PRKAA1: variants seen among roughly 807,000 people sequenced by gnomAD.
The protein encoded by PRKAA1 is protein kinase AMP-activated catalytic subunit alpha 1.
Under a neutral mutation model 56.9 loss-of-function variants are expected in PRKAA1, and 23 were observed. The observed-to-expected ratio is 0.40, with a 90% CI of 0.29 to 0.57. PRKAA1 has a LOEUF of 0.57. PRKAA1 is among the 20% of genes least tolerant of loss of function. The pLI is 0.39. For missense variants in PRKAA1, 413 were observed against 679.7 expected, an observed-to-expected ratio of 0.61 and a Z score of 4.36; for synonymous variants, 226 against 227.0, an observed-to-expected ratio of 1.00 and a Z score of 0.04.
chr5:40,790,135 G>C (rs923838930), intron 1 of PRKAA1: 1 of 152,222 alleles, frequency 6.6e-6, no homozygotes, highest in Non-Finnish European at 1.5e-5. Flanking sequence ...GGGGGCCGGA[G>C]CCCTTTCCCT....
rs1554031839 is a variant in PRKAA1 at position 40,774,549 on chromosome 5, A to ACTT, written c.363+860_363+861insAAG. 3.6e-4 allele frequency among the ~76,000 whole-genome samples: 45 copies of ACTT among 125,066 alleles called. 4 individuals carry two copies. Among genetic ancestry groups the ACTT allele is most frequent in the African/African-American group, 5.2e-4 (17 of 32,456 alleles). 82.0% of individuals were successfully genotyped at this position (125,066 alleles called of 152,430 possible). A position where few individuals can be genotyped will look rare whatever the true frequency, so the allele number is the denominator to read the frequency against. On this transcript the variant is annotated intron_variant, in intron 3 of 8. Coordinates refer to ENST00000397128, the MANE Select transcript of PRKAA1 (RefSeq NM_006251.6). ...CCTGTTTCCCATTTCTCCAGGCAGAATTTTTTTTTTTTTTTTTTTTTTGGT... is the reference window on the plus strand; with the variant it reads ...CCTGTTTCCCATTTCTCCAGGCAGAACTTTTTTTTTTTTTTTTTTTTTTTTGGT...
chr5:40,775,094 T>C (rs1743933562), intron 3 of PRKAA1: 1 of 807,484 alleles, frequency 1.2e-6, no homozygotes, highest in African/African-American at 1.8e-5. Context: ...ATTCAAAGTA[T>C]TTGTATACCC....
intron 4 of PRKAA1, 114 bp downstream of exon 4, chr5:40,771,605 T>TC: frequency 1.0e-6 from 1 of 999,720 alleles, no homozygotes; most frequent in East Asian, 2.6e-5. Context: ...TTTGATATAC[T>TC]CAGTCTATTA....
intron 1 of PRKAA1, among the ~76,000 whole-genome samples, chr5:40,778,480 T>A (rs1052775489): frequency 4.6e-5 from 7 of 152,282 alleles, no homozygotes; most frequent in Admixed American, 2.0e-4. Context: ...ACTTTTTTGC[T>A]GTATACCTTT....
intron 3 of PRKAA1, among the ~76,000 whole-genome samples, chr5:40,774,115 A>C (rs1263186487): frequency 6.6e-6 from 1 of 152,226 alleles, no homozygotes; most frequent in Non-Finnish European, 1.5e-5. Context: ...TATTCAAGCT[A>C]TGAGAAAACC....
intron 1 of PRKAA1, among the ~76,000 whole-genome samples, chr5:40,785,878 A>G (rs796507360): frequency 6.7e-6 from 1 of 149,044 alleles, no homozygotes; most frequent in African/African-American, 2.5e-5. Context: ...AGAGAGAGAG[A>G]GCAAGCGAGC....
intron 1 of PRKAA1, among the ~76,000 whole-genome samples, chr5:40,787,244 T>A (rs1744529548): frequency 6.6e-6 from 1 of 152,002 alleles, no homozygotes; most frequent in Non-Finnish European, 1.5e-5. Context: ...AGCGGGCATA[T>A]CACCTGAGGT....
intron 2 of PRKAA1, 52 bp downstream of exon 2, chr5:40,777,393 A>C: frequency 6.5e-7 from 1 of 1,527,630 alleles, no homozygotes; most frequent in Non-Finnish European, 8.9e-7. Context: ...AAGTAGGTTA[A>C]CAAAAAAGAT....
chr5:40,767,748 T>C, intron 5 of PRKAA1, 58 bp from the exon 6 acceptor site: 1 of 1,378,952 alleles, frequency 7.3e-7, no homozygotes, highest in Non-Finnish European at 1.0e-6. Flanking sequence ...ATTCAGTTCA[T>C]CAAAAACTTC....
chr5:40,777,655 C>A, intron 1 of PRKAA1, 69 bp from the exon 2 acceptor site: 1 of 1,418,956 alleles, frequency 7.0e-7, no homozygotes, highest in Non-Finnish European at 9.6e-7. Flanking sequence ...ATATTCTGGC[C>A]CGGTGCAGTG....
At chr5:40,792,365 G>A (rs183641465) in intron 1 of PRKAA1, among the ~76,000 whole-genome samples, 1 of 152,206 alleles carries the variant, frequency 6.6e-6, no homozygotes, top group African/African-American at 2.4e-5. Flanking sequence ...AGGTTACTTC[G>A]AAAGTTTTGT....
At position 40,762,549 on chromosome 5, in the gene PRKAA1, T is replaced by C; in HGVS notation, c.*229A>G. ...TAAGCCTGAGACCTATAATTCACTG[T>C]GTATATTATGCTATATACATACTGC... On this transcript the variant is annotated 3_prime_UTR_variant, in exon 9 of 9. Transcript: ENST00000397128. 1 of 495,984 alleles carries C rather than the reference T, an allele frequency of 2.0e-6. No individual in the cohort carries two copies. The highest frequency in any genetic ancestry group is 3.6e-6 in the Non-Finnish European group (1 of 281,680). The allele number at this position is 495,984 out of a possible 1,614,324, so 30.7% of individuals were successfully genotyped here. A position where few individuals can be genotyped will look rare whatever the true frequency, so the allele number is the denominator to read the frequency against.
chr5:40,784,911 T>TA (rs1167022616), intron 1 of PRKAA1, among the ~76,000 whole-genome samples: 5 of 152,190 alleles, frequency 3.3e-5, no homozygotes, highest in African/African-American at 1.2e-4. Flanking sequence ...TTGATTTTTT[T>TA]AAAAAGATAA....
At chr5:40,797,957 C>A (rs978873284) in intron 1 of PRKAA1, 106 bp downstream of exon 1, 73 of 1,520,474 alleles carry the variant, frequency 4.8e-5, no homozygotes, top group Non-Finnish European at 6.3e-5. Context: ...GCTGCCCAGC[C>A]CTGGAAAGAA....
At chr5:40,789,481 A>G (rs541848426) in intron 1 of PRKAA1, among the ~76,000 whole-genome samples, 13 of 152,336 alleles carry the variant, frequency 8.5e-5, no homozygotes, top group Admixed American at 5.2e-4. Flanking sequence ...TAGAATTACT[A>G]TATGATCCAG....
intron 6 of PRKAA1, among the ~76,000 whole-genome samples, chr5:40,766,916 G>A (rs1486910466): frequency 4.6e-5 from 7 of 152,280 alleles, no homozygotes; most frequent in Admixed American, 4.6e-4. Flanking sequence ...CTACTAGGGA[G>A]GCTAAAGTGG....
chr5:40,764,311 T>C (rs1743322075), intron 8 of PRKAA1: 2 of 472,404 alleles, frequency 4.2e-6, no homozygotes, highest in African/African-American at 2.0e-5. Flanking sequence ...AAGATGATAA[T>C]CTTAAAAGGA....
intron 8 of PRKAA1, among the ~76,000 whole-genome samples, chr5:40,763,299 G>T (rs1743281450): frequency 6.6e-6 from 1 of 152,014 alleles, no homozygotes; most frequent in African/African-American, 2.4e-5. Flanking sequence ...CAACAATCTA[G>T]GGATTAATAA....
chr5:40,782,336 C>T (rs761911464), intron 1 of PRKAA1, among the ~76,000 whole-genome samples: 1 of 152,168 alleles, frequency 6.6e-6, no homozygotes, highest in Middle Eastern at 3.2e-3. Context: ...AGCATTCTCT[C>T]AAATTCATTA....
Sources: gnomAD v4.1 joint callset for allele counts (sites outside exome capture counted in the v4.1 genomes callset) on GRCh38, gnomAD v4.1.1 for gene constraint, MANE v1.5 for transcripts, NCBI Gene and HGNC (gene_info 2026-07-23, HGNC 2026-07-21) for gene names.